The following ATP6V0A1 variants were observed in gnomAD, a reference collection of about 807,000 sequenced individuals.
The protein encoded by ATP6V0A1 is ATPase H+ transporting V0 subunit a1, also known as V-type proton ATPase 116 kDa subunit a 1.
In ATP6V0A1, 43 loss-of-function variants were observed where a neutral mutation model predicts 105.4. The observed-to-expected ratio is 0.41, with a 90% CI of 0.32 to 0.53. The LOEUF is 0.53. ATP6V0A1 is among the 20% of genes least tolerant of loss of function. The pLI, the probability that ATP6V0A1 is intolerant of heterozygous loss-of-function variation, is 0.30. For synonymous variants in ATP6V0A1, 362 were observed against 372.8 expected (o/e 0.97, Z 0.33); for missense variants, 676 against 1,051.1 (o/e 0.64, Z 4.93).
intron 8 of ATP6V0A1, among the ~76,000 whole-genome samples, chr17:42,482,677 G>A (rs1360995080): frequency 1.3e-5 from 2 of 151,816 alleles, no homozygotes; most frequent in African/African-American, 2.4e-5. Flanking sequence ...TGGGTGGATC[G>A]CCTAAGGTCA....
At chr17:42,515,194 C>T (rs1180959847) in intron 21 of ATP6V0A1, among the ~76,000 whole-genome samples, 5 of 151,946 alleles carry the variant, frequency 3.3e-5, no homozygotes, top group Non-Finnish European at 5.9e-5. Context: ...TGGCTGGGCA[C>T]GGTGGCTCAT....
intron 11 of ATP6V0A1, among the ~76,000 whole-genome samples, chr17:42,493,336 G>C (rs573121448): frequency 6.6e-6 from 1 of 152,178 alleles, no homozygotes; most frequent in Non-Finnish European, 1.5e-5. Context: ...CTCTCCATCT[G>C]TACGTTATCT....
At chr17:42,468,419 A>G (rs1262657024) in intron 4 of ATP6V0A1, among the ~76,000 whole-genome samples, 2 of 152,186 alleles carry the variant, frequency 1.3e-5, no homozygotes, top group Non-Finnish European at 2.9e-5. Flanking sequence ...TTTGAAATAT[A>G]TACAGTACAT....
chr17:42,485,203 T>A (rs1567832163), intron 9 of ATP6V0A1, among the ~76,000 whole-genome samples: 1 of 152,130 alleles, frequency 6.6e-6, no homozygotes, highest in Non-Finnish European at 1.5e-5. Flanking sequence ...CCCACCAACC[T>A]GACCTATTGC....
intron 10 of ATP6V0A1, 37 bp downstream of exon 10, chr17:42,487,404 G>A (rs8069972): frequency 0.38 from 600,102 of 1,596,420 alleles, 117,094 homozygotes; most frequent in East Asian, 0.55. Context: ...CTCGTGGCCC[G>A]GAAGAGAGGT....
rs1423045985 is a variant in ATP6V0A1, at chr17:42,514,365, GTTC to G, written c.2335_2337del (p.Phe779del). The G allele has an allele frequency of 3.1e-6, 5 of 1,613,752 alleles. No homozygotes were observed. The highest frequency in any genetic ancestry group is 4.5e-5 in the East Asian group (2 of 44,886). On this transcript the variant is annotated inframe_deletion, in exon 21 of 22. Coordinates refer to ENST00000343619, the MANE Select transcript of ATP6V0A1 (RefSeq NM_001130021.3). Reference sequence around the variant, plus strand: ...AGAGCTTGGCGGGAGGTTTGGTGCTGTTCTTCTTCTTCACTGCCTTTGCCACCC... The same window carrying G: ...AGAGCTTGGCGGGAGGTTTGGTGCTGTTCTTCTTCACTGCCTTTGCCACCC...
At chr17:42,483,498 C>T (rs1362218773) in intron 9 of ATP6V0A1, among the ~76,000 whole-genome samples, 2 of 152,154 alleles carry the variant, frequency 1.3e-5, no homozygotes, top group African/African-American at 4.8e-5. Context: ...ACCTCCGCCT[C>T]CTAGGCGCAA....
At chr17:42,495,235 G>A in intron 13 of ATP6V0A1, 47 bp downstream of exon 13, 1 of 1,589,142 alleles carries the variant, frequency 6.3e-7, no homozygotes, top group Non-Finnish European at 8.6e-7. Flanking sequence ...CCTTTCATGT[G>A]CAGCCCTGAT....
chr17:42,514,175 A>AG, intron 20 of ATP6V0A1, 114 bp from the exon 21 acceptor site: 12 of 1,388,578 alleles, frequency 8.6e-6, no homozygotes, highest in Non-Finnish European at 1.2e-5. Flanking sequence ...CCACTAAGGC[A>AG]GTGGGAAGCC....
chr17:42,514,612 G>T, intron 21 of ATP6V0A1, 152 bp downstream of exon 21: 1 of 783,904 alleles, frequency 1.3e-6, no homozygotes, highest in South Asian at 2.5e-5. Flanking sequence ...CCCCAGCACC[G>T]GCATTGCCAC....
At chr17:42,486,502 C>G (rs2090128223) in intron 9 of ATP6V0A1, among the ~76,000 whole-genome samples, 1 of 152,154 alleles carries the variant, frequency 6.6e-6, no homozygotes, top group Admixed American at 6.5e-5. Flanking sequence ...ACTGTAATTC[C>G]TCTGAGGGAA....
chr17:42,476,800 A>G (rs1227538503), intron 5 of ATP6V0A1, among the ~76,000 whole-genome samples: 1 of 152,130 alleles, frequency 6.6e-6, no homozygotes, highest in Non-Finnish European at 1.5e-5. Flanking sequence ...TTGGTTTATT[A>G]TCTGTTGTTT....
intron 11 of ATP6V0A1, among the ~76,000 whole-genome samples, chr17:42,493,756 G>C (rs2090891901): frequency 6.6e-6 from 1 of 152,180 alleles, no homozygotes; most frequent in Admixed American, 6.5e-5. Context: ...GCAGGCTGCA[G>C]TGAGCTGTGA....
intron 7 of ATP6V0A1, chr17:42,480,452 C>A: frequency 4.6e-6 from 2 of 433,090 alleles, no homozygotes; most frequent in Non-Finnish European, 8.2e-6. Context: ...GTCAAAAAAA[C>A]AAATAGAGAA....
intron 9 of ATP6V0A1, among the ~76,000 whole-genome samples, chr17:42,486,255 A>G (rs1156736209): frequency 1.3e-5 from 2 of 152,022 alleles, no homozygotes; most frequent in South Asian, 2.1e-4. Context: ...TACTAAAAAT[A>G]TAAAAATTAG....
intron 21 of ATP6V0A1, chr17:42,520,756 G>T (rs1054674698): frequency 1.5e-5 from 7 of 459,494 alleles, no homozygotes; most frequent in Non-Finnish European, 2.4e-5. Flanking sequence ...TTTTGCACAT[G>T]CCTCTCTGCA....
At chr17:42,506,068 A>T (rs960023562) in intron 17 of ATP6V0A1, among the ~76,000 whole-genome samples, 7 of 152,162 alleles carry the variant, frequency 4.6e-5, no homozygotes, top group Non-Finnish European at 5.9e-5. Flanking sequence ...GATTACAGGC[A>T]TGAGCCACCG....
intron 10 of ATP6V0A1, among the ~76,000 whole-genome samples, chr17:42,487,874 A>G (rs2090262664): frequency 6.6e-6 from 1 of 152,256 alleles, no homozygotes; most frequent in African/African-American, 2.4e-5. Context: ...TAATATGTAT[A>G]TCATAGCGTA....
chr17:42,514,960 AT>A (rs2092544388), intron 21 of ATP6V0A1, among the ~76,000 whole-genome samples: 1 of 152,002 alleles, frequency 6.6e-6, no homozygotes, highest in Non-Finnish European at 1.5e-5. Context: ...GACCGGAGGG[AT>A]TCCTGGCTCT....
Sources: gnomAD v4.1 joint callset for allele counts (sites outside exome capture counted in the v4.1 genomes callset) on GRCh38, gnomAD v4.1.1 for gene constraint, MANE v1.5 for transcripts, NCBI Gene and HGNC (gene_info 2026-07-23, HGNC 2026-07-21) for gene names.